PVT1: variants seen among roughly 807,000 people sequenced by gnomAD.
The protein encoded by PVT1 is CXCR4/PVT1 fusion.
rs189879447 is a variant in PVT1, at chr8:127,952,094, G to A, written n.783-37068G>A. ...CTCCCAAAGTGCTGAGATTACAGACGTGAGCCACCGCGCCTGGCCAAAAAA... is the reference window on the plus strand; with the variant it reads ...CTCCCAAAGTGCTGAGATTACAGACATGAGCCACCGCGCCTGGCCAAAAAA... On this transcript the variant is annotated intron_variant and non_coding_transcript_variant, in intron 3 of 10. Coordinates refer to ENST00000651587, the Ensembl canonical transcript of PVT1. 4.7e-3 allele frequency among the ~76,000 whole-genome samples: 713 copies of A among 152,270 alleles called. 2 individuals carry two copies. Among genetic ancestry groups the A allele is most frequent in the Admixed American group, 6.5e-3 (99 of 15,300 alleles).
chr8:128,062,006 AC>A (rs1320994541), intron 4 of PVT1, among the ~76,000 whole-genome samples: 2 of 152,266 alleles, frequency 1.3e-5, no homozygotes, highest in African/African-American at 4.8e-5. Flanking sequence ...TCCCATGGAC[AC>A]AGGGCCAGTG....
chr8:127,902,425 CTT>C (rs777284762), intron 3 of PVT1, among the ~76,000 whole-genome samples: 7 of 130,866 alleles, frequency 5.3e-5, no homozygotes, highest in African/African-American at 2.8e-5. Context: ...GTTCTATTTT[CTT>C]TTTTTTTTTT....
At chr8:127,947,808 C>T (rs1297964086) in intron 3 of PVT1, 1 of 456,376 alleles carries the variant, frequency 2.2e-6, no homozygotes, top group East Asian at 6.9e-5. Context: ...TACTATGAAA[C>T]AGGAATACAA....
intron 3 of PVT1, among the ~76,000 whole-genome samples, chr8:127,894,951 T>C (rs573220680): frequency 6.6e-6 from 1 of 152,284 alleles, no homozygotes; most frequent in East Asian, 1.9e-4. Flanking sequence ...TTGAAAACAA[T>C]AAGGATCCCA....
chr8:127,908,145 T>C (rs115854113), intron 3 of PVT1, among the ~76,000 whole-genome samples: 1,548 of 152,218 alleles, frequency 0.01, 20 homozygotes, highest in African/African-American at 0.034. Context: ...GGGTGATAAG[T>C]CAAGGAGACA....
chr8:127,829,913 C>T (rs1440646687), intron 2 of PVT1, among the ~76,000 whole-genome samples: 1 of 152,144 alleles, frequency 6.6e-6, no homozygotes. Context: ...CTTCTTGCCT[C>T]CTCTTGGTTT....
At chr8:127,968,347 G>T (rs1816725431) in intron 3 of PVT1, among the ~76,000 whole-genome samples, 1 of 151,046 alleles carries the variant, frequency 6.6e-6, no homozygotes, top group Admixed American at 6.6e-5. Context: ...GATGCCTGTT[G>T]AGTGTAGAGT....
chr8:127,933,150 A>T (rs1047726312), intron 3 of PVT1, among the ~76,000 whole-genome samples: 1 of 152,100 alleles, frequency 6.6e-6, no homozygotes, highest in African/African-American at 2.4e-5. Flanking sequence ...ATCTCGGCTC[A>T]CTGCAACCTC....
chr8:127,808,954 C>T (rs887308329), intron 2 of PVT1, among the ~76,000 whole-genome samples: 2 of 138,744 alleles, frequency 1.4e-5, no homozygotes, highest in South Asian at 2.3e-4. Flanking sequence ...AGCTTGAACC[C>T]GGGAGGCGGA....
chr8:128,057,431 C>A (rs1813776113), intron 4 of PVT1, among the ~76,000 whole-genome samples: 1 of 152,084 alleles, frequency 6.6e-6, no homozygotes, highest in Non-Finnish European at 1.5e-5. Context: ...GGCCCCAGGT[C>A]CTAAATTCTT....
intron 5 of PVT1, among the ~76,000 whole-genome samples, chr8:128,071,953 T>C (rs1814002125): frequency 6.6e-6 from 1 of 152,164 alleles, no homozygotes; most frequent in Admixed American, 6.6e-5. Context: ...GCTTTCTCAT[T>C]TCTACATGAA....
intron 2 of PVT1, among the ~76,000 whole-genome samples, chr8:127,836,789 GC>G (rs1814913345): frequency 6.6e-6 from 1 of 152,168 alleles, no homozygotes; most frequent in South Asian, 2.1e-4. Flanking sequence ...CAGTCAGCGA[GC>G]AAGAAAGCCT....
intron 2 of PVT1, among the ~76,000 whole-genome samples, chr8:127,832,569 A>C (rs1176483105): frequency 6.6e-6 from 1 of 152,256 alleles, no homozygotes; most frequent in Non-Finnish European, 1.5e-5. Flanking sequence ...GATCAAATTC[A>C]TGCACATGGC....
At chr8:127,959,401 A>G (rs7840410) in intron 3 of PVT1, among the ~76,000 whole-genome samples, 1,608 of 152,230 alleles carry the variant, frequency 0.011, 36 homozygotes, top group African/African-American at 0.037. Context: ...CCTGGCCAAC[A>G]TGGTGAAAAC....
chr8:127,828,710 T>C (rs1814817927), intron 2 of PVT1, among the ~76,000 whole-genome samples: 1 of 152,144 alleles, frequency 6.6e-6, no homozygotes, highest in Admixed American at 6.6e-5. Context: ...ACTCAGTGAA[T>C]CCGTGAAAGG....
intron 2 of PVT1, among the ~76,000 whole-genome samples, chr8:127,846,232 A>G (rs1463607654): frequency 1.3e-5 from 2 of 150,720 alleles, no homozygotes; most frequent in African/African-American, 5.0e-5. Context: ...AACAGGTGGG[A>G]GAGTTCTCCA....
At chr8:128,035,668 G>C (rs1181006862) in intron 4 of PVT1, among the ~76,000 whole-genome samples, 1 of 152,184 alleles carries the variant, frequency 6.6e-6, no homozygotes, top group Non-Finnish European at 1.5e-5. Flanking sequence ...ATTAAATTAA[G>C]GATCTTGAGA....
chr8:127,813,808 G>A (rs1046191186), intron 2 of PVT1, among the ~76,000 whole-genome samples: 1 of 152,178 alleles, frequency 6.6e-6, no homozygotes, highest in African/African-American at 2.4e-5. Flanking sequence ...AAACCACATG[G>A]AAACGAGAGG....
rs1013899254 is a variant in PVT1 at position 127,994,377 on chromosome 8, G to A, written n.912+5086G>A. On this transcript the variant is annotated intron_variant and non_coding_transcript_variant, in intron 4 of 10. Transcript: ENST00000651587. Reference sequence around the variant, plus strand: ...CACCTTGTGTGGTGACTGGCAGGAGGTAGCCATTCCCTCCTGTCCTCTCTG... The same window carrying A: ...CACCTTGTGTGGTGACTGGCAGGAGATAGCCATTCCCTCCTGTCCTCTCTG... Among the ~76,000 whole-genome samples the A allele has an allele frequency of 8.5e-5, 13 of 152,292 alleles. 1 individual carries two copies. Among genetic ancestry groups the A allele is most frequent in the Middle Eastern group, 3.4e-3 (1 of 294 alleles).
Sources: gnomAD v4.1 joint callset for allele counts (sites outside exome capture counted in the v4.1 genomes callset) on GRCh38, gnomAD v4.1.1 for gene constraint, MANE v1.5 for transcripts, NCBI Gene and HGNC (gene_info 2026-07-23, HGNC 2026-07-21) for gene names.